The following CDH12 variants were observed in gnomAD, a reference collection of about 807,000 sequenced individuals.
The protein encoded by CDH12 is cadherin-12.
CDH12 carries 41 observed loss-of-function variants against 74.1 expected under a neutral mutation model. That is an observed-to-expected ratio of 0.55 (90% CI 0.43 to 0.72). CDH12 has a LOEUF of 0.72. Ranked by LOEUF, CDH12 falls within the 30% of genes least tolerant of loss-of-function variation. The pLI is 0.00. For missense variants in CDH12, 945 were observed against 977.2 expected, an observed-to-expected ratio of 0.97 and a Z score of 0.44; for synonymous variants, 399 against 355.0, an observed-to-expected ratio of 1.12 and a Z score of -1.39.
intron 1 of CDH12, among the ~76,000 whole-genome samples, chr5:22,599,647 T>C (rs1440553505): frequency 6.6e-6 from 1 of 151,890 alleles, no homozygotes; most frequent in Non-Finnish European, 1.5e-5. Context: ...CAAACACCAA[T>C]GGTATTATAT....
chr5:22,122,935 A>T (rs1745611459), intron 4 of CDH12, among the ~76,000 whole-genome samples: 1 of 152,186 alleles, frequency 6.6e-6, no homozygotes, highest in Non-Finnish European at 1.5e-5. Context: ...AGGTCTTCAG[A>T]CTTTGAAATA....
At chr5:21,781,724 C>A (rs1440077591) in intron 11 of CDH12, among the ~76,000 whole-genome samples, 40 of 144,634 alleles carry the variant, frequency 2.8e-4, no homozygotes, top group East Asian at 8.1e-4. Context: ...ACTATTATCT[C>A]AAAAAAAAAA....
intron 1 of CDH12, among the ~76,000 whole-genome samples, chr5:22,720,326 T>C (rs1743814788): frequency 6.6e-6 from 1 of 152,160 alleles, no homozygotes; most frequent in Non-Finnish European, 1.5e-5. Flanking sequence ...TATCACTTTG[T>C]GAAGAAGACA....
intron 1 of CDH12, among the ~76,000 whole-genome samples, chr5:22,635,345 C>G (rs1580837660): frequency 6.6e-6 from 1 of 152,104 alleles, no homozygotes; most frequent in Non-Finnish European, 1.5e-5. Context: ...AGAATTCATA[C>G]AAAATTTATC....
chr5:22,351,104 C>G (rs1405964632), intron 3 of CDH12, among the ~76,000 whole-genome samples: 1 of 152,062 alleles, frequency 6.6e-6, no homozygotes, highest in Non-Finnish European at 1.5e-5. Context: ...GTCTAAGGAG[C>G]TCTAAAATCT....
At chr5:22,431,310 T>C (rs545132920) in intron 2 of CDH12, among the ~76,000 whole-genome samples, 3 of 152,182 alleles carry the variant, frequency 2.0e-5, no homozygotes, top group Non-Finnish European at 4.4e-5. Flanking sequence ...ATGATGGGGC[T>C]GAAAAATTCC....
chr5:22,391,412 T>A, intron 3 of CDH12, among the ~76,000 whole-genome samples: 1 of 152,194 alleles, frequency 6.6e-6, no homozygotes, highest in South Asian at 2.1e-4. Flanking sequence ...AATGCAGACA[T>A]TTCTTTTACA....
At chr5:22,508,462 G>A (rs971143427) in intron 1 of CDH12, among the ~76,000 whole-genome samples, 2 of 152,144 alleles carry the variant, frequency 1.3e-5, no homozygotes, top group South Asian at 2.1e-4. Context: ...TGAACAATTT[G>A]CATCTGTAAA....
intron 6 of CDH12, among the ~76,000 whole-genome samples, chr5:21,855,242 A>G (rs1750693341): frequency 6.6e-6 from 1 of 151,774 alleles, no homozygotes; most frequent in Non-Finnish European, 1.5e-5. Context: ...ACTACCTACT[A>G]GCATCAGGAA....
At chr5:22,713,950 T>C (rs1743431740) in intron 1 of CDH12, among the ~76,000 whole-genome samples, 1 of 152,224 alleles carries the variant, frequency 6.6e-6, no homozygotes. Flanking sequence ...ATCAGTTTTC[T>C]TAGGTATTAA....
rs1420420765 is a variant in CDH12, at chr5:22,631,373, A to G, written c.-522-126009T>C. On this transcript the variant is annotated intron_variant, in intron 1 of 14. Transcript: ENST00000382254. ...CAGCACTATTCACAATATTAGAGAC[A>G]CAGAATCAACCTAAATGTTTATCAT... 2.0e-5 allele frequency among the ~76,000 whole-genome samples: 3 copies of G among 152,190 alleles called. No homozygotes were observed. In the South Asian group the frequency reaches 6.2e-4, roughly 31 times the overall value.
At chr5:22,207,887 G>A (rs1751307271) in intron 4 of CDH12, among the ~76,000 whole-genome samples, 1 of 152,198 alleles carries the variant, frequency 6.6e-6, no homozygotes. Flanking sequence ...CAGGTAAGGT[G>A]ACAGCTAATA....
intron 5 of CDH12, among the ~76,000 whole-genome samples, chr5:22,057,869 C>G (rs1197830005): frequency 2.0e-5 from 3 of 151,960 alleles, no homozygotes; most frequent in Non-Finnish European, 2.9e-5. Context: ...CTCCAGAGAA[C>G]CAAAGGGTAC....
In CDH12 at chr5:21,932,993, G is replaced by A. The variant is rs1754911490; in HGVS notation, c.526+42098C>T. Among the ~76,000 whole-genome samples the A allele has an allele frequency of 2.0e-5, 3 of 150,470 alleles. No homozygotes were observed. The Admixed American group carries it at 2.0e-4, about 10-fold the overall frequency. On this transcript the variant is annotated intron_variant, in intron 6 of 14. Transcript: ENST00000382254. ...GTATCTAGTATCTCAGGAATTGACA[G>A]AGCTATTTTCAATTGTAGAGAAAAA...
intron 6 of CDH12, among the ~76,000 whole-genome samples, chr5:21,921,009 A>C (rs1406185444): frequency 6.6e-6 from 1 of 152,220 alleles, no homozygotes; most frequent in Non-Finnish European, 1.5e-5. Flanking sequence ...TCTGCTGCTC[A>C]CATTTTAGGA....
At chr5:22,427,018 CTT>C (rs956238607) in intron 2 of CDH12, among the ~76,000 whole-genome samples, 3 of 152,108 alleles carry the variant, frequency 2.0e-5, no homozygotes, top group African/African-American at 7.2e-5. Context: ...TATCTTTTCT[CTT>C]CCCCTCTTTC....
chr5:21,943,351 A>T (rs1367114788), intron 6 of CDH12, among the ~76,000 whole-genome samples: 2 of 152,206 alleles, frequency 1.3e-5, no homozygotes, highest in Non-Finnish European at 2.9e-5. Flanking sequence ...TTTATATAAC[A>T]TTGAATTTAT....
At chr5:22,724,008 T>A (rs543823651) in intron 1 of CDH12, among the ~76,000 whole-genome samples, 9 of 151,812 alleles carry the variant, frequency 5.9e-5, no homozygotes, top group African/African-American at 2.2e-4. Context: ...AGTTTTACAA[T>A]TGAGCAAACT....
At chr5:21,762,136 T>C (rs139508350) in intron 12 of CDH12, among the ~76,000 whole-genome samples, 1 of 152,264 alleles carries the variant, frequency 6.6e-6, no homozygotes, top group African/African-American at 2.4e-5. Flanking sequence ...ATCCTTCTGT[T>C]ATAAACTAGC....
Sources: allele counts gnomAD v4.1 joint callset (sites outside exome capture counted in the v4.1 genomes callset), GRCh38; gene constraint gnomAD v4.1.1; transcripts MANE v1.5; gene names NCBI Gene and HGNC (gene_info 2026-07-23, HGNC 2026-07-21).